CEP70: variants seen among roughly 807,000 people sequenced by gnomAD.
The protein encoded by CEP70 is centrosomal protein 70.
Under a neutral mutation model 90.9 loss-of-function variants are expected in CEP70, and 70 were observed. That is an observed-to-expected ratio of 0.77 (90% CI 0.64 to 0.94). CEP70 has a LOEUF of 0.94. Among genes scored for constraint, CEP70 ranks in the 40% least tolerant of loss-of-function variants. The pLI, the probability that CEP70 is intolerant of heterozygous loss-of-function variation, is 0.00. For synonymous variants in CEP70, 220 were observed against 228.3 expected (o/e 0.96, Z 0.33); for missense variants, 648 against 669.0 (o/e 0.97, Z 0.35).
At position 138,562,848 on chromosome 3, in the gene CEP70, C is replaced by T. The variant is rs2040507968; in HGVS notation, c.465+7470G>A. ...TCATAATTACAGGATCAAATTCACACATAACAATATTAACCTTAAATGTAA... is the reference window on the plus strand; with the variant it reads ...TCATAATTACAGGATCAAATTCACATATAACAATATTAACCTTAAATGTAA... On this transcript the variant is annotated intron_variant, in intron 6 of 17. Transcript: ENST00000264982. 2.0e-5 allele frequency among the ~76,000 whole-genome samples: 3 copies of T among 152,150 alleles called. No homozygotes were observed. In the South Asian group the frequency reaches 6.2e-4, roughly 32 times the overall value.
chr3:138,570,964 A>AT (rs1326282666), intron 5 of CEP70, 70 bp downstream of exon 5: 9 of 1,281,078 alleles, frequency 7.0e-6, no homozygotes, highest in Admixed American at 5.3e-5. Context: ...AAATTTCAAG[A>AT]TTTTTTTCAA....
At chr3:138,512,486 G>A (rs956353468) in intron 11 of CEP70, among the ~76,000 whole-genome samples, 1 of 152,044 alleles carries the variant, frequency 6.6e-6, no homozygotes, top group Non-Finnish European at 1.5e-5. Context: ...GTAGCTGCCT[G>A]GACTGTACTC....
At position 138,500,790 on chromosome 3, in the gene CEP70, T is replaced by C. The variant is rs376931648; in HGVS notation, c.1313A>G (p.Glu438Gly). ...KQDENEGIKV[E>G]DLLFIVDTML... Reference sequence around the variant, plus strand: ...AGTATCTACTATAAACAACAAATCTTCAACTTTGATACCTTCATTTTCATC... The same window carrying C: ...AGTATCTACTATAAACAACAAATCTCCAACTTTGATACCTTCATTTTCATC... The change falls in exon 14 of 18, where the codon GAA (glutamate) becomes GGA (glycine). Residue 438 changes from glutamate to glycine, a missense_variant. Glu to Gly is a moderately conservative substitution (Grantham distance 98). Coordinates refer to ENST00000264982, the MANE Select transcript of CEP70 (RefSeq NM_024491.4). 45 of 1,605,894 alleles carry C rather than the reference T, an allele frequency of 2.8e-5. No individual in the cohort carries two copies. Among genetic ancestry groups the C allele is most frequent in the Non-Finnish European group, 3.7e-5 (43 of 1,174,690 alleles).
chr3:138,516,114 C>T (rs565808896), intron 11 of CEP70, among the ~76,000 whole-genome samples: 14 of 152,234 alleles, frequency 9.2e-5, no homozygotes, highest in Admixed American at 5.2e-4. Context: ...CACGATTGTA[C>T]GTTTAGTACT....
At chr3:138,561,703 T>C (rs546489217) in intron 6 of CEP70, among the ~76,000 whole-genome samples, 1 of 152,080 alleles carries the variant, frequency 6.6e-6, no homozygotes, top group African/African-American at 2.4e-5. Context: ...ATAAATAACC[T>C]GATGGAGCTG....
At chr3:138,586,260 C>T (rs149862130) in intron 2 of CEP70, among the ~76,000 whole-genome samples, 5,290 of 152,154 alleles carry the variant, frequency 0.035, 128 homozygotes, top group South Asian at 0.067. Context: ...CAGGTTCAAG[C>T]GATTCTCCTG....
At chr3:138,576,253 G>A (rs2041515106) in intron 2 of CEP70, among the ~76,000 whole-genome samples, 1 of 152,122 alleles carries the variant, frequency 6.6e-6, no homozygotes, top group Non-Finnish European at 1.5e-5. Flanking sequence ...AGGGATGGAG[G>A]AAGATCTACC....
chr3:138,522,333 A>T (rs1393936446), intron 11 of CEP70, among the ~76,000 whole-genome samples: 2 of 151,958 alleles, frequency 1.3e-5, no homozygotes, highest in Non-Finnish European at 2.9e-5. Context: ...AAGAGCAAAC[A>T]CATTCAAAAG....
At chr3:138,571,219 G>T (rs764201593) in intron 4 of CEP70, 47 bp downstream of exon 4, 3 of 1,561,150 alleles carry the variant, frequency 1.9e-6, no homozygotes, top group Non-Finnish European at 2.6e-6. Flanking sequence ...ATTTTTTAAG[G>T]AAAAATAAAC....
chr3:138,566,671 G>A (rs1020892716), intron 6 of CEP70, among the ~76,000 whole-genome samples: 1 of 151,922 alleles, frequency 6.6e-6, no homozygotes, highest in Non-Finnish European at 1.5e-5. Flanking sequence ...GGGCTTGGGG[G>A]CTAGGGGAGG....
chr3:138,516,022 T>C (rs1281963454), intron 11 of CEP70, among the ~76,000 whole-genome samples: 1 of 152,162 alleles, frequency 6.6e-6, no homozygotes, highest in Non-Finnish European at 1.5e-5. Context: ...CAATTCCAAA[T>C]ACTTCTCATC....
At chr3:138,580,379 C>T (rs1051513182) in intron 2 of CEP70, among the ~76,000 whole-genome samples, 9 of 152,144 alleles carry the variant, frequency 5.9e-5, no homozygotes, top group African/African-American at 2.2e-4. Context: ...GCCTGGTAAT[C>T]CAAAGAATTA....
intron 11 of CEP70, among the ~76,000 whole-genome samples, chr3:138,511,758 C>G (rs974204804): frequency 6.6e-6 from 1 of 152,176 alleles, no homozygotes; most frequent in African/African-American, 2.4e-5. Flanking sequence ...GAATTCTAAG[C>G]ACTTTACATG....
At chr3:138,577,849 G>GA (rs1213166688) in intron 2 of CEP70, among the ~76,000 whole-genome samples, 1 of 151,828 alleles carries the variant, frequency 6.6e-6, no homozygotes, top group East Asian at 1.9e-4. Context: ...CTGTTGAAGG[G>GA]AAAAAAGACT....
intron 3 of CEP70, 86 bp from the exon 4 acceptor site, chr3:138,571,442 A>G (rs1394697256): frequency 4.3e-6 from 4 of 924,180 alleles, no homozygotes; most frequent in Non-Finnish European, 5.0e-6. Flanking sequence ...CATTTTCAGA[A>G]TAGAACTTTT....
intron 13 of CEP70, among the ~76,000 whole-genome samples, chr3:138,501,760 G>C (rs1040433056): frequency 6.6e-6 from 1 of 152,126 alleles, no homozygotes; most frequent in African/African-American, 2.4e-5. Flanking sequence ...TAGAGCTCTA[G>C]ACTGATCAAT....
intron 11 of CEP70, among the ~76,000 whole-genome samples, chr3:138,513,530 C>A (rs2035720918): frequency 6.6e-6 from 1 of 152,192 alleles, no homozygotes; most frequent in Admixed American, 6.5e-5. Context: ...ATGATTCCCC[C>A]CATCTGGGTG....
intron 13 of CEP70, 108 bp downstream of exon 13, chr3:138,505,187 C>CA: frequency 1.1e-6 from 1 of 884,264 alleles, no homozygotes; most frequent in Non-Finnish European, 1.6e-6. Context: ...AACACACAAA[C>CA]AAAAAAATTA....
At chr3:138,545,527 A>AG (rs1355300519) in intron 6 of CEP70, among the ~76,000 whole-genome samples, 3 of 152,222 alleles carry the variant, frequency 2.0e-5, no homozygotes, top group Non-Finnish European at 4.4e-5. Context: ...ACCTTGAAAA[A>AG]GAACAGAATA....
Sources: allele counts gnomAD v4.1 joint callset (sites outside exome capture counted in the v4.1 genomes callset), GRCh38; gene constraint gnomAD v4.1.1; transcripts MANE v1.5; gene names NCBI Gene and HGNC (gene_info 2026-07-23, HGNC 2026-07-21).